MBOAT1: variants seen among roughly 807,000 people sequenced by gnomAD.
MBOAT1 encodes the protein membrane-bound glycerophospholipid O-acyltransferase 1.
In MBOAT1, 67 loss-of-function variants were observed where a neutral mutation model predicts 64.4. That is an observed-to-expected ratio of 1.04 (90% CI 0.85 to 1.27). MBOAT1 has a LOEUF of 1.27. MBOAT1 is among the 50% of genes most tolerant of loss of function. MBOAT1 has a pLI of 0.00. For synonymous variants in MBOAT1, 229 were observed against 218.9 expected (o/e 1.05, Z -0.41); for missense variants, 563 against 604.6 (o/e 0.93, Z 0.72).
At chr6:20,119,576 T>G (rs1157329792) in intron 8 of MBOAT1, among the ~76,000 whole-genome samples, 1 of 152,190 alleles carries the variant, frequency 6.6e-6, no homozygotes, top group Non-Finnish European at 1.5e-5. Context: ...CCTACGTCTG[T>G]CTCATTTATA....
chr6:20,173,297 A>G (rs1762253723), intron 1 of MBOAT1, among the ~76,000 whole-genome samples: 1 of 152,182 alleles, frequency 6.6e-6, no homozygotes, highest in Non-Finnish European at 1.5e-5. Context: ...TCCATATCAC[A>G]CAAAACTGAA....
chr6:20,120,139 T>G (rs548109172), intron 8 of MBOAT1, among the ~76,000 whole-genome samples: 1 of 152,186 alleles, frequency 6.6e-6, no homozygotes, highest in South Asian at 2.1e-4. Flanking sequence ...GGGGGGAAAC[T>G]GGACAGGTTT....
chr6:20,204,926 G>A (rs888204895), intron 1 of MBOAT1, among the ~76,000 whole-genome samples: 1 of 152,190 alleles, frequency 6.6e-6, no homozygotes, highest in Non-Finnish European at 1.5e-5. Context: ...GCTGGGTGTG[G>A]TAGCTCACAA....
intron 1 of MBOAT1, among the ~76,000 whole-genome samples, chr6:20,168,327 T>A (rs1293517420): frequency 6.6e-6 from 1 of 151,954 alleles, no homozygotes; most frequent in Admixed American, 6.6e-5. Flanking sequence ...TAGCCAGGCA[T>A]AATGGCACGT....
intron 12 of MBOAT1, among the ~76,000 whole-genome samples, chr6:20,106,236 G>A (rs941734524): frequency 6.6e-6 from 1 of 152,156 alleles, no homozygotes; most frequent in Non-Finnish European, 1.5e-5. Flanking sequence ...CACTGTTTGA[G>A]GTGTAATCAA....
At chr6:20,152,352 A>AAC (rs1761530919) in intron 2 of MBOAT1, among the ~76,000 whole-genome samples, 1 of 91,946 alleles carries the variant, frequency 1.1e-5, no homozygotes, top group Admixed American at 1.1e-4. Context: ...AAAATAAATA[A>AAC]ATAAATAAAT....
intron 1 of MBOAT1, among the ~76,000 whole-genome samples, chr6:20,167,356 A>G (rs528870656): frequency 4.6e-5 from 7 of 152,312 alleles, no homozygotes; most frequent in Non-Finnish European, 7.4e-5. Context: ...AGTTAAAGCA[A>G]TGTTTTACTT....
At chr6:20,195,834 G>A (rs1762940536) in intron 1 of MBOAT1, among the ~76,000 whole-genome samples, 2 of 152,186 alleles carry the variant, frequency 1.3e-5, no homozygotes, top group East Asian at 1.9e-4. Context: ...AAGCACGCCT[G>A]GAGCTGGCAT....
intron 2 of MBOAT1, among the ~76,000 whole-genome samples, chr6:20,151,774 T>G (rs1452859266): frequency 1.3e-5 from 2 of 152,212 alleles, no homozygotes; most frequent in Non-Finnish European, 2.9e-5. Context: ...TTCAGGGTAT[T>G]TGCCCAGCTT....
Position 20,109,757 on chromosome 6 carries a change from C to A in MBOAT1, c.1210-8G>T, listed in dbSNP as rs762729870. 1.2e-5 allele frequency: 20 copies of A among 1,611,904 alleles called. No homozygotes were observed. The East Asian group carries it at 4.2e-4, about 34-fold the overall frequency. ...TCTGTAGTTGTTCCTGACCTGCAGG[C>A]CAACACAGGCAACAGTAGTGAGGAG... On this transcript the variant is annotated splice_polypyrimidine_tract_variant and splice_region_variant and intron_variant, in intron 11 of 12. Coordinates refer to ENST00000324607, the MANE Select transcript of MBOAT1 (RefSeq NM_001080480.3).
intron 1 of MBOAT1, among the ~76,000 whole-genome samples, chr6:20,166,920 C>CA (rs1218395917): frequency 2.0e-5 from 3 of 150,672 alleles, no homozygotes; most frequent in African/African-American, 7.3e-5. Flanking sequence ...GCCTGGGTGA[C>CA]AGAGTGAGAC....
In MBOAT1 at chr6:20,158,504, C is replaced by G. The variant is rs182471576; in HGVS notation, c.100-5735G>C. ...AAACATAGGCGAAAACTACATGACA[C>G]AGGACACTGGGCAGTGATCTCTTGG... is the stretch of plus-strand genomic sequence containing the variant. On this transcript the variant is annotated intron_variant, in intron 1 of 12. Transcript: ENST00000324607. Among the ~76,000 whole-genome samples, 441 of 152,286 alleles carry G rather than the reference C, an allele frequency of 2.9e-3. 2 individuals carry two copies. Among genetic ancestry groups the G allele is most frequent in the African/African-American group, 0.01 (424 of 41,564 alleles).
intron 1 of MBOAT1, among the ~76,000 whole-genome samples, chr6:20,202,050 C>G (rs1405771620): frequency 2.0e-5 from 3 of 152,128 alleles, no homozygotes; most frequent in African/African-American, 7.2e-5. Flanking sequence ...AAGTCTCAAT[C>G]TAGTGACACT....
At chr6:20,144,382 C>T (rs1761269092) in intron 3 of MBOAT1, 67 bp from the exon 4 acceptor site, 5 of 1,018,460 alleles carry the variant, frequency 4.9e-6, no homozygotes, top group African/African-American at 4.8e-5. Context: ...TAATGTTCCC[C>T]TCTTCCTCTC....
At chr6:20,158,072 C>T (rs1761747193) in intron 1 of MBOAT1, among the ~76,000 whole-genome samples, 1 of 151,044 alleles carries the variant, frequency 6.6e-6, no homozygotes, top group African/African-American at 2.4e-5. Context: ...AGGACAATCG[C>T]TGGAACCTGG....
intron 8 of MBOAT1, among the ~76,000 whole-genome samples, chr6:20,121,638 G>A (rs893174176): frequency 1.3e-5 from 2 of 152,132 alleles, no homozygotes; most frequent in Non-Finnish European, 2.9e-5. Flanking sequence ...CCTATGCAAT[G>A]GAATGGCCTT....
At chr6:20,126,843 C>T (rs759627794) in intron 6 of MBOAT1, 143 bp from the exon 7 acceptor site, 2 of 692,010 alleles carry the variant, frequency 2.9e-6, no homozygotes, top group African/African-American at 1.8e-5. Flanking sequence ...CAAAGTCAGC[C>T]GAGGAGAAAT....
chr6:20,149,646 A>C (rs1049037175), intron 3 of MBOAT1, among the ~76,000 whole-genome samples: 2 of 152,198 alleles, frequency 1.3e-5, no homozygotes, highest in Admixed American at 1.3e-4. Flanking sequence ...CCCTTCAAGC[A>C]GGGCACTGAG....
At chr6:20,149,558 GA>G (rs1490496554) in intron 3 of MBOAT1, among the ~76,000 whole-genome samples, 2 of 152,212 alleles carry the variant, frequency 1.3e-5, no homozygotes, top group African/African-American at 4.8e-5. Flanking sequence ...GTCATCATAT[GA>G]AACATTTCCA....
Sources: gnomAD v4.1 joint callset for allele counts (sites outside exome capture counted in the v4.1 genomes callset) on GRCh38, gnomAD v4.1.1 for gene constraint, MANE v1.5 for transcripts, NCBI Gene and HGNC (gene_info 2026-07-23, HGNC 2026-07-21) for gene names.